FMN2: variants seen among roughly 807,000 people sequenced by gnomAD.
FMN2 encodes the protein formin-2.
FMN2 carries 51 observed loss-of-function variants against 142.3 expected under a neutral mutation model. The ratio of observed to expected loss-of-function variants is 0.36; its 90% CI spans 0.29 to 0.45. The LOEUF is 0.45. Ranked by LOEUF, FMN2 falls within the 20% of genes least tolerant of loss-of-function variation. The pLI is 1.00. For synonymous variants in FMN2, 882 were observed against 869.8 expected (o/e 1.01, Z -0.25); for missense variants, 1,936 against 2,122.8 (o/e 0.91, Z 1.73).
chr1:240,443,883 T>A (rs1675713096), intron 16 of FMN2, among the ~76,000 whole-genome samples: 1 of 152,140 alleles, frequency 6.6e-6, no homozygotes, highest in Non-Finnish European at 1.5e-5. Flanking sequence ...AAATAGGCAA[T>A]CTTCATCTCT....
intron 8 of FMN2, among the ~76,000 whole-genome samples, chr1:240,295,215 C>CAA (rs1669932148): frequency 7.1e-6 from 1 of 141,388 alleles, no homozygotes; most frequent in Non-Finnish European, 1.6e-5. Flanking sequence ...CACACACACA[C>CAA]ACACACACAC....
At chr1:240,455,975 AAAT>A (rs140323437) in intron 16 of FMN2, among the ~76,000 whole-genome samples, 40,259 of 148,680 alleles carry the variant, frequency 0.27, 5,597 homozygotes, top group Middle Eastern at 0.37. Flanking sequence ...ACTGTCTCAA[AAAT>A]AATAATAATA....
At chr1:240,205,547 C>T (rs767063232) in intron 4 of FMN2, among the ~76,000 whole-genome samples, 1 of 150,138 alleles carries the variant, frequency 6.7e-6, no homozygotes, top group African/African-American at 2.5e-5. Flanking sequence ...CTGCAAGCTC[C>T]GCCTCCCAGG....
intron 2 of FMN2, chr1:240,171,363 C>T (rs1365535610): frequency 1.0e-5 from 6 of 590,988 alleles, no homozygotes; most frequent in Non-Finnish European, 1.3e-5. Context: ...CAGAGAGAAG[C>T]GCCTCCTAGA....
chr1:240,313,326 A>C (rs908695499), intron 8 of FMN2, among the ~76,000 whole-genome samples: 1 of 152,236 alleles, frequency 6.6e-6, no homozygotes, highest in Non-Finnish European at 1.5e-5. Context: ...AAATGTATGG[A>C]TAATAAATCT....
At chr1:240,154,107 CAAAAAAAAAAAAAAA>C (rs3047182) in intron 2 of FMN2, among the ~76,000 whole-genome samples, 1 of 55,318 alleles carries the variant, frequency 1.8e-5, no homozygotes, top group African/African-American at 6.7e-5. Flanking sequence ...GAGATTCCAT[CAAAAAAAAAAAAAAA>C]AAAAAAAAAG....
intron 7 of FMN2, among the ~76,000 whole-genome samples, chr1:240,284,128 C>A (rs1237631184): frequency 1.3e-5 from 2 of 152,138 alleles, no homozygotes; most frequent in Admixed American, 6.5e-5. Flanking sequence ...CAATGGCAAC[C>A]TACCTTAGCT....
At chr1:240,320,118 A>G (rs1280301102) in intron 8 of FMN2, among the ~76,000 whole-genome samples, 1 of 152,176 alleles carries the variant, frequency 6.6e-6, no homozygotes, top group Non-Finnish European at 1.5e-5. Context: ...AACACAGTAA[A>G]TCTTGAGAAA....
chr1:240,438,601 A>G (rs1023623242), intron 16 of FMN2, among the ~76,000 whole-genome samples: 2 of 152,258 alleles, frequency 1.3e-5, no homozygotes, highest in Admixed American at 1.3e-4. Context: ...TTCATGGGAT[A>G]TTGTCAGTTT....
At chr1:240,432,891 C>G (rs1675225440) in intron 15 of FMN2, among the ~76,000 whole-genome samples, 1 of 152,056 alleles carries the variant, frequency 6.6e-6, no homozygotes, top group Admixed American at 6.6e-5. Context: ...TGTTTTATGA[C>G]TCAGCATATG....
chr1:240,233,576 C>T (rs544935286), intron 6 of FMN2, among the ~76,000 whole-genome samples: 18 of 152,186 alleles, frequency 1.2e-4, no homozygotes, highest in African/African-American at 4.1e-4. Context: ...GAGAAAAATT[C>T]ACATTTGAAA....
At chr1:240,278,992 C>T (rs9786950) in intron 7 of FMN2, among the ~76,000 whole-genome samples, 63,991 of 151,946 alleles carry the variant, frequency 0.42, 13,896 homozygotes, top group East Asian at 0.64. Context: ...GAGACATTTA[C>T]TATTCATAGA....
At chr1:240,171,063 T>G (rs1572015604) in intron 2 of FMN2, 28 of 1,354,744 alleles carry the variant, frequency 2.1e-5, no homozygotes, top group Non-Finnish European at 2.7e-5. Context: ...CTGCTTCAGG[T>G]CAAGAAATTG....
chr1:240,330,973 C>T (rs969408329), intron 11 of FMN2, among the ~76,000 whole-genome samples: 1 of 152,060 alleles, frequency 6.6e-6, no homozygotes, highest in African/African-American at 2.4e-5. Flanking sequence ...TGTATAATTA[C>T]AACTTTTTAA....
chr1:240,188,086 A>G (rs1665555010), intron 3 of FMN2, 121 bp from the exon 4 acceptor site: 1 of 840,480 alleles, frequency 1.2e-6, no homozygotes, highest in African/African-American at 1.7e-5. Flanking sequence ...TGGAAGAGAG[A>G]CTGGATATTT....
intron 8 of FMN2, among the ~76,000 whole-genome samples, chr1:240,317,306 A>AAAAAAAAAAG (rs373250271): frequency 0.028 from 3,163 of 112,754 alleles, 117 homozygotes; most frequent in African/African-American, 0.09. Context: ...GACTCCATCT[A>AAAAAAAAAAG]AAAAGAAAAA....
At chr1:240,232,325 C>T (rs574956565) in intron 6 of FMN2, among the ~76,000 whole-genome samples, 1 of 150,150 alleles carries the variant, frequency 6.7e-6, no homozygotes, top group East Asian at 2.0e-4. Context: ...CTCCTGACCT[C>T]GTGATCCACC....
chr1:240,225,247 C>A (rs979092396), intron 6 of FMN2, among the ~76,000 whole-genome samples: 4 of 152,164 alleles, frequency 2.6e-5, no homozygotes, highest in African/African-American at 9.7e-5. Context: ...GGGAAAAGCC[C>A]AGTGGCTAGT....
At chr1:240,383,750 C>T (rs1418435357) in intron 14 of FMN2, among the ~76,000 whole-genome samples, 1 of 151,872 alleles carries the variant, frequency 6.6e-6, no homozygotes, top group African/African-American at 2.4e-5. Context: ...GGTATCTACC[C>T]AAAAGAGAAG....
Sources: allele counts gnomAD v4.1 joint callset (sites outside exome capture counted in the v4.1 genomes callset), GRCh38; gene constraint gnomAD v4.1.1; transcripts MANE v1.5; gene names NCBI Gene and HGNC (gene_info 2026-07-23, HGNC 2026-07-21).